LPP: variants seen among roughly 807,000 people sequenced by gnomAD.
LPP encodes the protein lipoma-preferred partner.
A neutral mutation model predicts 60.4 loss-of-function variants in LPP; 38 were observed. The observed-to-expected ratio is 0.63, with a 90% CI of 0.49 to 0.83. The LOEUF (loss-of-function observed/expected upper bound fraction) is 0.83, where lower values mean the gene tolerates loss of function less well. LPP is among the 40% of genes least tolerant of loss of function. The pLI, the probability that LPP is intolerant of heterozygous loss-of-function variation, is 0.00. For synonymous variants in LPP, 328 were observed against 290.8 expected (o/e 1.13, Z -1.30); for missense variants, 902 against 783.6 (o/e 1.15, Z -1.80).
At chr3:188,464,883 C>G (rs559041347) in intron 4 of LPP, among the ~76,000 whole-genome samples, 12 of 151,350 alleles carry the variant, frequency 7.9e-5, no homozygotes, top group African/African-American at 2.7e-4. Context: ...CATTCTGAGT[C>G]CCTTAAATGT....
At chr3:188,343,690 G>C (rs978069316) in intron 3 of LPP, among the ~76,000 whole-genome samples, 5 of 152,190 alleles carry the variant, frequency 3.3e-5, no homozygotes, top group African/African-American at 1.2e-4. Flanking sequence ...TCTCAAGAAA[G>C]AGGAATTTTC....
chr3:188,200,502 G>C (rs1577248133), intron 1 of LPP, among the ~76,000 whole-genome samples: 1 of 152,168 alleles, frequency 6.6e-6, no homozygotes, highest in Non-Finnish European at 1.5e-5. Context: ...ATGTGATTAG[G>C]AAGCCACTGC....
chr3:188,455,353 T>TA (rs1387088574), intron 4 of LPP, among the ~76,000 whole-genome samples: 1 of 152,216 alleles, frequency 6.6e-6, no homozygotes, highest in African/African-American at 2.4e-5. Flanking sequence ...AAGGTTCATG[T>TA]AAATAGAATA....
At chr3:188,191,181 G>C (rs1292176534) in intron 1 of LPP, among the ~76,000 whole-genome samples, 21 of 152,350 alleles carry the variant, frequency 1.4e-4, no homozygotes, top group Non-Finnish European at 5.9e-5. Flanking sequence ...AGTGAGCTGA[G>C]ATCGTGCCAC....
At chr3:188,864,675 T>TA (rs1315291769) in intron 9 of LPP, among the ~76,000 whole-genome samples, 2 of 152,212 alleles carry the variant, frequency 1.3e-5, no homozygotes, top group Non-Finnish European at 2.9e-5. Context: ...ATCTAGGCAT[T>TA]AGCCAAGGCA....
chr3:188,848,898 G>A (rs750204603), intron 9 of LPP, among the ~76,000 whole-genome samples: 8 of 151,916 alleles, frequency 5.3e-5, no homozygotes, highest in Non-Finnish European at 8.8e-5. Context: ...CCTAGGAGGC[G>A]GAGGTTGCAG....
At chr3:188,676,856 G>A (rs994454659) in intron 7 of LPP, among the ~76,000 whole-genome samples, 1 of 152,130 alleles carries the variant, frequency 6.6e-6, no homozygotes, top group Non-Finnish European at 1.5e-5. Context: ...TGTAGTCTTT[G>A]ATGACTTGTG....
intron 9 of LPP, among the ~76,000 whole-genome samples, chr3:188,795,226 C>A (rs1346453107): frequency 1.3e-5 from 2 of 152,130 alleles, no homozygotes; most frequent in Admixed American, 1.3e-4. Flanking sequence ...GGAAAGATAA[C>A]GTTAAAAAAT....
At chr3:188,237,924 T>A (rs1385926225) in intron 2 of LPP, among the ~76,000 whole-genome samples, 3 of 152,244 alleles carry the variant, frequency 2.0e-5, no homozygotes, top group Non-Finnish European at 2.9e-5. Flanking sequence ...AGGTATTGAT[T>A]TCTTTTCTCT....
chr3:188,216,917 G>C (rs1516376), intron 1 of LPP, among the ~76,000 whole-genome samples: 1,871 of 152,310 alleles, frequency 0.012, 32 homozygotes, highest in African/African-American at 0.043. Context: ...AATCTGTCAG[G>C]CTTCTTCCAT....
intron 2 of LPP, chr3:188,247,181 ATTC>A (rs1727265154): frequency 2.0e-6 from 2 of 984,936 alleles, no homozygotes; most frequent in Non-Finnish European, 2.4e-6. Context: ...CCTCTGGAGA[ATTC>A]TTCTTACCCT....
intron 9 of LPP, among the ~76,000 whole-genome samples, chr3:188,804,243 T>TTATGTATATATATA (rs1748267170): frequency 2.7e-5 from 1 of 37,698 alleles, no homozygotes; most frequent in South Asian, 1.4e-3. Context: ...TAGTGCATCT[T>TTATGTATATATATA]TATATATATA....
At chr3:188,770,687 G>T (rs535808994) in intron 9 of LPP, among the ~76,000 whole-genome samples, 2 of 152,100 alleles carry the variant, frequency 1.3e-5, no homozygotes, top group African/African-American at 4.8e-5. Flanking sequence ...AATCTTAAAA[G>T]TAAACCTGAA....
intron 2 of LPP, among the ~76,000 whole-genome samples, chr3:188,276,104 A>C (rs898911574): frequency 2.0e-5 from 3 of 152,220 alleles, no homozygotes; most frequent in African/African-American, 7.2e-5. Flanking sequence ...ATAAATAAAC[A>C]CAGCAAACAA....
At position 188,509,614 on chromosome 3, in the gene LPP, T is replaced by G. The variant is rs543674747; in HGVS notation, c.307-15051T>G. 2.6e-5 allele frequency among the ~76,000 whole-genome samples: 4 copies of G among 151,266 alleles called. No individual in the cohort carries two copies. In the East Asian group the frequency reaches 7.8e-4, roughly 29 times the overall value. The stretch of plus-strand genomic sequence containing the variant: ...GAAGTGAGTAATTCAACTTTTCATT[T>G]TTTTTTGTCCCCTTCCTTCCTTCCT... On this transcript the variant is annotated intron_variant, in intron 5 of 11. Coordinates refer to ENST00000617246, the MANE Select transcript of LPP (RefSeq NM_001375462.1).
At chr3:188,233,566 A>G (rs1720835367) in intron 2 of LPP, among the ~76,000 whole-genome samples, 2 of 152,146 alleles carry the variant, frequency 1.3e-5, no homozygotes, top group South Asian at 4.1e-4. Context: ...TGATTTATTT[A>G]TAATATAGTG....
At chr3:188,657,258 GTATATATATATATATA>G (rs148151207) in intron 7 of LPP, among the ~76,000 whole-genome samples, 7 of 89,812 alleles carry the variant, frequency 7.8e-5, no homozygotes, top group Non-Finnish European at 1.5e-4. Flanking sequence ...CTGTCAAGGT[GTATATATATATATATA>G]TATATATTTC....
chr3:188,362,769 T>G (rs1194218215), intron 3 of LPP, among the ~76,000 whole-genome samples: 1 of 152,224 alleles, frequency 6.6e-6, no homozygotes, highest in Non-Finnish European at 1.5e-5. Context: ...TAAAATCTGT[T>G]AGAATACGTC....
At chr3:188,170,022 A>G (rs1721087080) in intron 1 of LPP, among the ~76,000 whole-genome samples, 2 of 152,224 alleles carry the variant, frequency 1.3e-5, no homozygotes, top group African/African-American at 4.8e-5. Flanking sequence ...TTGCCAGAGC[A>G]TCATCGGGAA....
Sources: gnomAD v4.1 joint callset for allele counts (sites outside exome capture counted in the v4.1 genomes callset) on GRCh38, gnomAD v4.1.1 for gene constraint, MANE v1.5 for transcripts, NCBI Gene and HGNC (gene_info 2026-07-23, HGNC 2026-07-21) for gene names.